PCAT7: variants seen among roughly 807,000 people sequenced by gnomAD.
The protein encoded by PCAT7 is prostate cancer associated transcript 7 (non-protein coding).
At chr9:94,572,758 G>A (rs575924017) in intron 2 of PCAT7, among the ~76,000 whole-genome samples, 6 of 152,236 alleles carry the variant, frequency 3.9e-5, no homozygotes, top group Admixed American at 3.3e-4. Context: ...ATGCATACAT[G>A]CAGTGATTTT....
At chr9:94,561,168 C>A (rs1224987185) in intron 2 of PCAT7, among the ~76,000 whole-genome samples, 4 of 152,020 alleles carry the variant, frequency 2.6e-5, no homozygotes, top group African/African-American at 7.3e-5. Context: ...AGATTGTAAT[C>A]AATTATCCTG....
intron 3 of PCAT7, among the ~76,000 whole-genome samples, chr9:94,573,626 C>T (rs1827290515): frequency 6.6e-6 from 1 of 152,282 alleles, no homozygotes; most frequent in East Asian, 1.9e-4. Flanking sequence ...TGGTGGATTA[C>T]ACTGACTGAT....
Position 94,567,309 on chromosome 9 carries a change from C to T in PCAT7, n.442-5670C>T, listed in dbSNP as rs367608023. The T allele has an allele frequency of 1.8e-5, 29 of 1,613,994 alleles. No individual in the cohort carries two copies. In the East Asian group the frequency reaches 2.5e-4, roughly 14 times the overall value. ...TTTTCTGCACATATTCAGTGGTGGC[C>T]GCATCAAAATACTTGGCATAGCCCT... is the stretch of plus-strand genomic sequence containing the variant. On this transcript the variant is annotated intron_variant and non_coding_transcript_variant, in intron 2 of 8. Transcript: ENST00000647389.
chr9:94,555,018 T>G (rs1826985559), upstream of PCAT7: 1 of 152,262 alleles, frequency 6.6e-6, no homozygotes, highest in African/African-American at 2.4e-5. Context: ...TGTGATTGGT[T>G]GTCTTAAGAC....
At chr9:94,572,283 T>C (rs1415610692) in intron 2 of PCAT7, among the ~76,000 whole-genome samples, 1 of 152,104 alleles carries the variant, frequency 6.6e-6, no homozygotes, top group Admixed American at 6.6e-5. Flanking sequence ...ATGGGGACTC[T>C]TAGCTGCTAC....
At chr9:94,573,127 G>A (rs909810770) in intron 3 of PCAT7, 5 of 152,192 alleles carry the variant, frequency 3.3e-5, no homozygotes, top group Non-Finnish European at 7.3e-5. Flanking sequence ...TAACAGTGGC[G>A]AGTGAGGACA....
intron 2 of PCAT7, chr9:94,563,260 G>GTAGCCAAA: frequency 1.3e-6 from 2 of 1,498,628 alleles, no homozygotes; most frequent in African/African-American, 1.4e-5. Context: ...AAGCAGTGCA[G>GTAGCCAAA]TAGCCAAACA....
intron 1 of PCAT7, among the ~76,000 whole-genome samples, chr9:94,557,360 C>G (rs533021743): frequency 6.6e-6 from 1 of 152,254 alleles, no homozygotes; most frequent in South Asian, 2.1e-4. Flanking sequence ...CATGGGATAT[C>G]TTTCCATTTA....
intron 2 of PCAT7, chr9:94,570,618 T>G (rs1827258660): frequency 6.6e-6 from 1 of 152,206 alleles, no homozygotes; most frequent in Admixed American, 6.5e-5. Flanking sequence ...TTTCTCAGGG[T>G]TTGCCAGCTT....
At chr9:94,561,764 A>C (rs1385146640) in intron 2 of PCAT7, among the ~76,000 whole-genome samples, 1 of 151,512 alleles carries the variant, frequency 6.6e-6, no homozygotes, top group Non-Finnish European at 1.5e-5. Flanking sequence ...ACACACACAC[A>C]GAGAGACGTC....
At position 94,567,119 on chromosome 9, in the gene PCAT7, T is replaced by C. The variant is rs142611882; in HGVS notation, n.442-5860T>C. The C allele has an allele frequency of 1.6e-3, 1,151 of 697,830 alleles. 15 individuals carry two copies. In the East Asian group the frequency reaches 0.027, roughly 16 times the overall value. 43.2% of individuals were successfully genotyped at this position (697,830 alleles called of 1,614,324 possible). Reference sequence around the variant, plus strand: ...AGCTATATAAGATACTGAATGCTTATGAAGAAAGGCAGAGTCCATCATCTT... The same window carrying C: ...AGCTATATAAGATACTGAATGCTTACGAAGAAAGGCAGAGTCCATCATCTT... On this transcript the variant is annotated intron_variant and non_coding_transcript_variant, in intron 2 of 8. Transcript: ENST00000647389.
At chr9:94,565,600 C>T (rs149337212) in intron 2 of PCAT7, among the ~76,000 whole-genome samples, 29 of 152,154 alleles carry the variant, frequency 1.9e-4, no homozygotes, top group Non-Finnish European at 3.4e-4. Context: ...GAGATGGAAC[C>T]CATATTCCTA....
chr9:94,556,621 T>C (rs7872691), intron 1 of PCAT7, among the ~76,000 whole-genome samples: 13,978 of 152,178 alleles, frequency 0.092, 1,260 homozygotes, highest in African/African-American at 0.23. Flanking sequence ...AGTTTGCAAA[T>C]ACTTTCTTCC....
At chr9:94,563,326 G>A in intron 2 of PCAT7, 1 of 1,613,222 alleles carries the variant, frequency 6.2e-7, no homozygotes, top group Non-Finnish European at 8.5e-7. Context: ...ACAGCCAGTG[G>A]ACAAGGGAGA....
At chr9:94,566,031 G>A (rs10761339) in intron 2 of PCAT7, among the ~76,000 whole-genome samples, 68,389 of 152,110 alleles carry the variant, frequency 0.45, 15,954 homozygotes, top group Admixed American at 0.54. Flanking sequence ...AAAGTTCACC[G>A]TAGAGTTCTT....
chr9:94,556,679 G>C (rs1366708475), intron 1 of PCAT7, among the ~76,000 whole-genome samples: 1 of 152,140 alleles, frequency 6.6e-6, no homozygotes, highest in Non-Finnish European at 1.5e-5. Flanking sequence ...CTCTGCTTTG[G>C]AAAAGGCTTT....
chr9:94,573,262 C>T (rs1367806629), intron 3 of PCAT7, among the ~76,000 whole-genome samples: 11 of 152,160 alleles, frequency 7.2e-5, no homozygotes, highest in Non-Finnish European at 1.6e-4. Context: ...TTTTCTAAGA[C>T]TTTCTGTTTT....
intron 2 of PCAT7, chr9:94,567,174 C>T (rs774774062): frequency 2.3e-6 from 3 of 1,290,658 alleles, no homozygotes; most frequent in Non-Finnish European, 2.2e-6. Context: ...AACAGTGGCA[C>T]CAACCTCTTT....
In PCAT7 at chr9:94,559,841, C is replaced by T. The variant is rs1483472005; in HGVS notation, n.441+689C>T. Among the ~76,000 whole-genome samples, 5 of 152,010 alleles carry T rather than the reference C, an allele frequency of 3.3e-5. No homozygotes were observed. In the East Asian group the frequency reaches 9.6e-4, roughly 29 times the overall value. On this transcript the variant is annotated intron_variant and non_coding_transcript_variant, in intron 2 of 8. Transcript: ENST00000647389. ...GTACTATCTGTATTCTCAGTAGTGC[C>T]GACACAGAGAAAGTGTTGGCTCCGG...
Sources: allele counts gnomAD v4.1 joint callset (sites outside exome capture counted in the v4.1 genomes callset), GRCh38; gene constraint gnomAD v4.1.1; transcripts MANE v1.5; gene names NCBI Gene and HGNC (gene_info 2026-07-23, HGNC 2026-07-21).